The following MSH5 variants were observed in gnomAD, a reference collection of about 807,000 sequenced individuals.
MSH5 encodes the protein mutS homolog 5.
A neutral mutation model predicts 107.7 loss-of-function variants in MSH5; 78 were observed. That is an observed-to-expected ratio of 0.72 (90% CI 0.60 to 0.87). The LOEUF (loss-of-function observed/expected upper bound fraction) is 0.87, where lower values mean the gene tolerates loss of function less well. Ranked by LOEUF, MSH5 falls within the 40% of genes least tolerant of loss-of-function variation. The pLI, the probability that MSH5 is intolerant of heterozygous loss-of-function variation, is 0.00. For missense variants in MSH5, 889 were observed against 1,046.6 expected (o/e 0.85, Z 2.08); for synonymous variants, 326 against 399.5 (o/e 0.82, Z 2.19).
Position 31,760,028 on chromosome 6 carries a change from C to A in MSH5, c.1685+53C>A, listed in dbSNP as rs1810835912. Reference sequence around the variant, plus strand: ...GACATGAGGGGCCCAAAGGCTACATCTTCTGGGGGTTCATCTATCTTGATC... The same window carrying A: ...GACATGAGGGGCCCAAAGGCTACATATTCTGGGGGTTCATCTATCTTGATC... On this transcript the variant is annotated intron_variant, in intron 18 of 24. Coordinates refer to ENST00000375750, the MANE Select transcript of MSH5 (RefSeq NM_172166.4). The surrounding 1 kb of genome is among the most constrained non-coding windows in gnomAD (Gnocchi z 5.6). 1 of 1,610,628 alleles carries A rather than the reference C, an allele frequency of 6.2e-7. No homozygotes were observed. Among genetic ancestry groups the A allele is most frequent in the Non-Finnish European group, 8.5e-7 (1 of 1,177,662 alleles).
intron 8 of MSH5, 109 bp downstream of exon 8, chr6:31,744,690 A>T (rs1809249850): frequency 8.2e-7 from 1 of 1,221,482 alleles, no homozygotes; most frequent in African/African-American, 1.5e-5. Flanking sequence ...GGCTATTAAG[A>T]TCTCTCTCCT....
rs1199627504 is a variant in MSH5 at position 31,743,983 on chromosome 6, C to A, written c.495C>A (p.Ile165=). Residue 165 remains isoleucine, a synonymous_variant, in exon 6 of 25, where the codon ATC becomes ATA. Coordinates refer to ENST00000375750, the MANE Select transcript of MSH5 (RefSeq NM_172166.4). ...IPDAMTATEK[I]LFLSSIIPFD... ...ACGCCATGACTGCCACTGAGAAAAT[C>A]CTCTTCCTCTCTTCCATTATTCCCT... The A allele has an allele frequency of 6.2e-7, 1 of 1,614,026 alleles. No individual in the cohort carries two copies. The highest frequency in any genetic ancestry group is 1.7e-5 in the Admixed American group (1 of 60,004).
Position 31,740,763 on chromosome 6 carries a change from C to T in MSH5, c.147+150C>T. ...ATCACCTGAGCTCAGGAGTTGGAGACCAGCCTGGGCAACATGGCGAAACCC... is the reference window on the plus strand; with the variant it reads ...ATCACCTGAGCTCAGGAGTTGGAGATCAGCCTGGGCAACATGGCGAAACCC... On this transcript the variant is annotated intron_variant, in intron 2 of 24. Transcript: ENST00000375750. This position sits in a 1 kb window ranked among gnomAD's most constrained non-coding sequence, Gnocchi z 4.4. The T allele has an allele frequency of 2.3e-6, 2 of 876,626 alleles. No homozygotes were observed. The highest frequency in any genetic ancestry group is 3.2e-6 in the Non-Finnish European group (2 of 621,542). The allele number at this position is 876,626 out of a possible 1,614,324, so 54.3% of individuals were successfully genotyped here. A position where few individuals can be genotyped will look rare whatever the true frequency, so the allele number is the denominator to read the frequency against.
intron 7 of MSH5, 66 bp downstream of exon 7, chr6:31,744,365 G>T (rs1348932764): frequency 1.2e-6 from 2 of 1,604,022 alleles, no homozygotes; most frequent in Non-Finnish European, 1.7e-6. Context: ...AGTAAAGTGG[G>T]GGTGGGGTGT....
At position 31,740,589 on chromosome 6, in the gene MSH5, C is replaced by G; in HGVS notation, c.123C>G (p.Val41=). 1 of 1,506,550 alleles carries G rather than the reference C, an allele frequency of 6.6e-7. No individual in the cohort carries two copies. Among genetic ancestry groups the G allele is most frequent in the Non-Finnish European group, 8.9e-7 (1 of 1,129,768 alleles). 93.3% of individuals were successfully genotyped at this position (1,506,550 alleles called of 1,614,324 possible). A position where few individuals can be genotyped will look rare whatever the true frequency, so the allele number is the denominator to read the frequency against. ...PGPREAEEEE[V]EEEEELAEIH... ...CCAGGGAGGCCGAGGAGGAGGAAGT[C>G]GAGGAGGAGGAGGAGCTGGCCGAGG... is the stretch of plus-strand genomic sequence containing the variant. The change falls in exon 2 of 25, where the codon GTC becomes GTG. Residue 41 remains valine (V), a synonymous_variant. Transcript: ENST00000375750. This position sits in a 1 kb window ranked among gnomAD's most constrained non-coding sequence, Gnocchi z 4.4.
chr6:31,760,295 C>T lies in MSH5; in HGVS notation c.1812+79C>T. 6.7e-7 allele frequency: 1 copy of T among 1,503,758 alleles called. No homozygotes were observed. Among genetic ancestry groups the T allele is most frequent in the Admixed American group, 2.3e-5 (1 of 44,118 alleles). 93.2% of individuals were successfully genotyped at this position (1,503,758 alleles called of 1,614,324 possible). ...CCCTACTTGCCAGCCAACTCAGGCT[C>T]CTGCAGCTCTTCTCCCATTTTCTGA... On this transcript the variant is annotated intron_variant, in intron 19 of 24. Coordinates refer to ENST00000375750, the MANE Select transcript of MSH5 (RefSeq NM_172166.4). This position sits in a 1 kb window ranked among gnomAD's most constrained non-coding sequence, Gnocchi z 5.6.
intron 10 of MSH5, among the ~76,000 whole-genome samples, chr6:31,751,017 T>G (rs1809907126): frequency 6.6e-6 from 1 of 152,154 alleles, no homozygotes; most frequent in South Asian, 2.1e-4. Flanking sequence ...TATTTATTTA[T>G]TTTTTGAGAC....
At chr6:31,753,143 T>G in intron 10 of MSH5, 158 bp from the exon 11 acceptor site, 1 of 869,568 alleles carries the variant, frequency 1.2e-6, no homozygotes. Flanking sequence ...TAAACACACC[T>G]GAATGGGTAG....
chr6:31,759,770 C>T lies in MSH5; in HGVS notation c.1496-16C>T. 6.2e-7 allele frequency: 1 copy of T among 1,610,912 alleles called. No individual in the cohort carries two copies. Among genetic ancestry groups the T allele is most frequent in the Non-Finnish European group, 8.5e-7 (1 of 1,179,548 alleles). ...CCTGGAACTGACCTCCAGCTCCCTTCCTCACCCACTCCCAGACCAGGAGAC... is the reference window on the plus strand; with the variant it reads ...CCTGGAACTGACCTCCAGCTCCCTTTCTCACCCACTCCCAGACCAGGAGAC... On this transcript the variant is annotated splice_polypyrimidine_tract_variant and intron_variant, in intron 17 of 24. Coordinates refer to ENST00000375750, the MANE Select transcript of MSH5 (RefSeq NM_172166.4). The surrounding 1 kb of genome is among the most constrained non-coding windows in gnomAD (Gnocchi z 4.7).
At position 31,761,364 on chromosome 6, in the gene MSH5, G is replaced by A; in HGVS notation, c.2037+102G>A. The A allele has an allele frequency of 1.2e-6, 2 of 1,604,220 alleles. No homozygotes were observed. The highest frequency in any genetic ancestry group is 1.7e-6 in the Non-Finnish European group (2 of 1,173,608). ...TGGGCCTCTGGAATGGAATAGGGCT[G>A]TGTGGGCAGAAAAGAAATAGAACAC... On this transcript the variant is annotated intron_variant, in intron 21 of 24. Transcript: ENST00000375750. This position sits in a 1 kb window ranked among gnomAD's most constrained non-coding sequence, Gnocchi z 5.3.
intron 5 of MSH5, chr6:31,743,496 C>T (rs988192956): frequency 3.5e-5 from 17 of 481,914 alleles, no homozygotes; most frequent in African/African-American, 1.9e-5. Flanking sequence ...AAGGCACTGC[C>T]TCAGTGACCC....
At position 31,753,349 on chromosome 6, in the gene MSH5, T is replaced by G; in HGVS notation, c.861T>G (p.Arg287=). Residue 287 remains arginine, a synonymous_variant, in exon 11 of 25, where the codon CGT becomes CGG. Coordinates refer to ENST00000375750, the MANE Select transcript of MSH5 (RefSeq NM_172166.4). ...PTHDLGELSS[R]LDVIQFFLLP... ...ATGACCTGGGGGAGCTCAGTTCTCG[T>G]CTGGACGTCATTCAGTTTTTTCTGC... 1 of 1,614,174 alleles carries G rather than the reference T, an allele frequency of 6.2e-7. No homozygotes were observed. The highest frequency in any genetic ancestry group is 8.5e-7 in the Non-Finnish European group (1 of 1,180,034).
Position 31,760,547 on chromosome 6 carries a change from A to T in MSH5, c.1813-143A>T. 1.7e-6 allele frequency: 2 copies of T among 1,143,580 alleles called. No individual in the cohort carries two copies. The highest frequency in any genetic ancestry group is 2.6e-6 in the Non-Finnish European group (2 of 777,572). 70.8% of individuals were successfully genotyped at this position (1,143,580 alleles called of 1,614,324 possible). On this transcript the variant is annotated intron_variant, in intron 19 of 24. Coordinates refer to ENST00000375750, the MANE Select transcript of MSH5 (RefSeq NM_172166.4). The surrounding 1 kb of genome is among the most constrained non-coding windows in gnomAD (Gnocchi z 5.6). Reference sequence around the variant, plus strand: ...GGGCTATGGTCAGGATTCGGGGAGGAGAGACAGAGTCAGTGTGTCTGTTAC... The same window carrying T: ...GGGCTATGGTCAGGATTCGGGGAGGTGAGACAGAGTCAGTGTGTCTGTTAC...
chr6:31,745,957 C>T (rs536293472), intron 9 of MSH5, among the ~76,000 whole-genome samples: 17 of 151,600 alleles, frequency 1.1e-4, no homozygotes, highest in African/African-American at 3.9e-4. Context: ...TAGTAGAGAA[C>T]GGGTTTCACT....
At position 31,761,974 on chromosome 6, in the gene MSH5, G is replaced by T; in HGVS notation, c.2319+19G>T. 6.2e-7 allele frequency: 1 copy of T among 1,613,742 alleles called. No individual in the cohort carries two copies. The highest frequency in any genetic ancestry group is 8.5e-7 in the Non-Finnish European group (1 of 1,179,860). On this transcript the variant is annotated intron_variant, in intron 23 of 24. Coordinates refer to ENST00000375750, the MANE Select transcript of MSH5 (RefSeq NM_172166.4). This position sits in a 1 kb window ranked among gnomAD's most constrained non-coding sequence, Gnocchi z 5.3. ...CAAGGAGGTGATGAGATCCAAATGTGCAACCACCTCCACATCAGAGCTCCC... is the reference window on the plus strand; with the variant it reads ...CAAGGAGGTGATGAGATCCAAATGTTCAACCACCTCCACATCAGAGCTCCC...
intron 8 of MSH5, among the ~76,000 whole-genome samples, chr6:31,744,833 G>C (rs1181972124): frequency 6.6e-6 from 1 of 152,158 alleles, no homozygotes; most frequent in Non-Finnish European, 1.5e-5. Flanking sequence ...TATGATCTCG[G>C]CTGGGCGCGG....
At chr6:31,754,725 A>G (rs1476652200) in intron 12 of MSH5, among the ~76,000 whole-genome samples, 4 of 150,576 alleles carry the variant, frequency 2.7e-5, no homozygotes, top group South Asian at 2.1e-4. Context: ...CATTTCATCC[A>G]TAAATATTTC....
In MSH5 at chr6:31,757,208, G is replaced by A. The variant is rs28745903; in HGVS notation, c.1015-957G>A. On this transcript the variant is annotated intron_variant, in intron 12 of 24. Coordinates refer to ENST00000375750, the MANE Select transcript of MSH5 (RefSeq NM_172166.4). ...TGCCCAGGCAGGAGTGCAGTGGCGC[G>A]ATCTCGGCTCACTGCAAGCTCTGCC... 4.9e-4 allele frequency among the ~76,000 whole-genome samples: 74 copies of A among 152,116 alleles called. No individual in the cohort carries two copies. The East Asian group carries it at 0.012, about 26-fold the overall frequency.
intron 10 of MSH5, among the ~76,000 whole-genome samples, chr6:31,752,204 G>A (rs1810023561): frequency 6.7e-6 from 1 of 148,274 alleles, no homozygotes. Flanking sequence ...ACTTTGGGAG[G>A]CCGAGGCGGG....
Sources: allele counts gnomAD v4.1 joint callset (sites outside exome capture counted in the v4.1 genomes callset), GRCh38; gene constraint gnomAD v4.1.1; non-coding constraint Gnocchi (gnomAD v3.1); transcripts MANE v1.5; gene names NCBI Gene and HGNC (gene_info 2026-07-23, HGNC 2026-07-21).